The following NRDC variants were observed in gnomAD, a reference collection of about 807,000 sequenced individuals.
NRDC encodes the protein nardilysin.
A neutral mutation model predicts 147.1 loss-of-function variants in NRDC; 54 were observed. That is an observed-to-expected ratio of 0.37 (90% CI 0.29 to 0.46). NRDC has a LOEUF of 0.46. Ranked by LOEUF, NRDC falls within the 20% of genes least tolerant of loss-of-function variation. The pLI, the probability that NRDC is intolerant of heterozygous loss-of-function variation, is 1.00. For synonymous variants in NRDC, 440 were observed against 482.1 expected (o/e 0.91, Z 1.14); for missense variants, 1,082 against 1,370.6 (o/e 0.79, Z 3.33).
intron 4 of NRDC, among the ~76,000 whole-genome samples, chr1:51,830,277 A>T (rs1680650631): frequency 6.6e-6 from 1 of 152,170 alleles, no homozygotes; most frequent in African/African-American, 2.4e-5. Context: ...TTTCTTAAAA[A>T]ATAGAAAGTA....
At chr1:51,813,978 T>A (rs2982846) in intron 14 of NRDC, 57 bp downstream of exon 14, 11 of 1,106,672 alleles carry the variant, frequency 9.9e-6, no homozygotes, top group African/African-American at 1.6e-5. Context: ...GAACAATGTC[T>A]ACACCAGCTT....
At chr1:51,851,017 A>G (rs1043437129) in intron 1 of NRDC, among the ~76,000 whole-genome samples, 2 of 152,154 alleles carry the variant, frequency 1.3e-5, no homozygotes, top group Non-Finnish European at 2.9e-5. Context: ...CCTCATCTGT[A>G]CCACATAAGT....
At chr1:51,854,205 T>C (rs1473409488) in intron 1 of NRDC, among the ~76,000 whole-genome samples, 1 of 151,888 alleles carries the variant, frequency 6.6e-6, no homozygotes, top group Non-Finnish European at 1.5e-5. Context: ...CTGTCTCTAC[T>C]AAAAATACAA....
chr1:51,840,973 A>C (rs1557923309), intron 1 of NRDC, among the ~76,000 whole-genome samples: 2 of 152,236 alleles, frequency 1.3e-5, no homozygotes, highest in South Asian at 2.1e-4. Context: ...ACACAAAATT[A>C]AACTGCTGAT....
chr1:51,824,433 TTAAAAA>T, intron 6 of NRDC, among the ~76,000 whole-genome samples: 1 of 152,242 alleles, frequency 6.6e-6, no homozygotes, highest in East Asian at 1.9e-4. Flanking sequence ...TATCTAATTC[TTAAAAA>T]TAAAACACAT....
In NRDC at chr1:51,878,295, G is replaced by C; in HGVS notation, c.321C>G (p.Pro107=). The change falls in exon 1 of 31, where the codon CCC becomes CCG. Residue 107 remains proline, a synonymous_variant. Transcript: ENST00000352171. ...NAGDPEIVKS[P]SDPKQYRYIK... ...CTCACCGGTATTGCTTGGGGTCGCT[G>C]GGAGACTTGACGATCTCAGGGTCCC... 1 of 1,613,320 alleles carries C rather than the reference G, an allele frequency of 6.2e-7. No homozygotes were observed. Among genetic ancestry groups the C allele is most frequent in the Non-Finnish European group, 8.5e-7 (1 of 1,179,456 alleles).
At position 51,839,718 on chromosome 1, in the gene NRDC, A is replaced by G. The variant is rs1019727358; in HGVS notation, c.630+508T>C. Among the ~76,000 whole-genome samples, 72 of 152,182 alleles carry G rather than the reference A, an allele frequency of 4.7e-4. 2 individuals are homozygous for G. Among genetic ancestry groups the G allele is most frequent in the Admixed American group, 4.6e-3 (70 of 15,272 alleles). ...CTTTGCGTTCCCATATAAAGTGCTA[A>G]ATCAAACTCAATTATCTAATTATCT... On this transcript the variant is annotated intron_variant, in intron 2 of 30. Coordinates refer to ENST00000352171, the MANE Select transcript of NRDC (RefSeq NM_001101662.2).
chr1:51,822,487 G>A (rs1030650433), intron 7 of NRDC, among the ~76,000 whole-genome samples: 2 of 152,176 alleles, frequency 1.3e-5, no homozygotes, highest in African/African-American at 4.8e-5. Flanking sequence ...GTTACAATGA[G>A]CTATGATTGT....
At chr1:51,839,060 T>A (rs114019768) in intron 2 of NRDC, among the ~76,000 whole-genome samples, 103 of 152,172 alleles carry the variant, frequency 6.8e-4, no homozygotes, top group African/African-American at 2.3e-3. Flanking sequence ...TCTTTCTTTT[T>A]AAAAAATAAT....
At chr1:51,854,178 G>C (rs1238362816) in intron 1 of NRDC, among the ~76,000 whole-genome samples, 4 of 151,958 alleles carry the variant, frequency 2.6e-5, no homozygotes, top group Non-Finnish European at 5.9e-5. Flanking sequence ...GACCAGCCTG[G>C]CTAATATGAG....
intron 20 of NRDC, 146 bp downstream of exon 20, chr1:51,803,664 CAGTT>C (rs1170494197): frequency 1.8e-6 from 1 of 561,822 alleles, no homozygotes; most frequent in Non-Finnish European, 3.0e-6. Context: ...TAGTCAGTCA[CAGTT>C]AGAATAGCTG....
At chr1:51,799,321 T>A (rs146971268) in intron 21 of NRDC, among the ~76,000 whole-genome samples, 6,277 of 152,130 alleles carry the variant, frequency 0.041, 398 homozygotes, top group African/African-American at 0.14. Context: ...ACATTAGGTA[T>A]TTCTCCTAAC....
intron 28 of NRDC, 116 bp downstream of exon 28, chr1:51,790,784 T>C (rs1052383034): frequency 2.3e-5 from 22 of 965,402 alleles, no homozygotes; most frequent in African/African-American, 4.9e-5. Flanking sequence ...GGAGACACTA[T>C]TGTAAGAGGA....
chr1:51,868,442 G>A (rs559567424), intron 1 of NRDC, among the ~76,000 whole-genome samples: 1 of 152,184 alleles, frequency 6.6e-6, no homozygotes, highest in African/African-American at 2.4e-5. Flanking sequence ...AGAAGGCCTT[G>A]GACATTACCT....
intron 1 of NRDC, among the ~76,000 whole-genome samples, chr1:51,872,578 A>G (rs113918060): frequency 0.014 from 2,174 of 152,110 alleles, 54 homozygotes; most frequent in African/African-American, 0.049. Context: ...TGGTGTGCAC[A>G]TGTAGTCCCA....
At chr1:51,836,507 T>C (rs1384976293) in intron 2 of NRDC, 2 of 1,324,154 alleles carry the variant, frequency 1.5e-6, no homozygotes, top group East Asian at 2.4e-5. Flanking sequence ...CCAAATATCA[T>C]TTCATGTCAG....
chr1:51,866,684 A>G (rs902539259), intron 1 of NRDC, among the ~76,000 whole-genome samples: 1 of 151,540 alleles, frequency 6.6e-6, no homozygotes, highest in Non-Finnish European at 1.5e-5. Flanking sequence ...CTCAAAAGCA[A>G]TGTTAAACCA....
At chr1:51,845,973 A>C (rs558709114) in intron 1 of NRDC, among the ~76,000 whole-genome samples, 21 of 152,348 alleles carry the variant, frequency 1.4e-4, no homozygotes, top group African/African-American at 5.1e-4. Context: ...AAAAAAAGAA[A>C]GCTATGTGTA....
chr1:51,792,176 C>A, intron 25 of NRDC, 78 bp from the exon 26 acceptor site: 1 of 1,576,740 alleles, frequency 6.3e-7, no homozygotes, highest in South Asian at 1.1e-5. Context: ...GAGTGTTTCA[C>A]ATACCTCCCA....
Sources: gnomAD v4.1 joint callset for allele counts (sites outside exome capture counted in the v4.1 genomes callset) on GRCh38, gnomAD v4.1.1 for gene constraint, MANE v1.5 for transcripts, NCBI Gene and HGNC (gene_info 2026-07-23, HGNC 2026-07-21) for gene names.